ADAMTS18: variants seen among roughly 807,000 people sequenced by gnomAD.
ADAMTS18 encodes the protein ADAM metallopeptidase with thrombospondin type 1 motif 18.
A neutral mutation model predicts 165.9 loss-of-function variants in ADAMTS18; 157 were observed. The observed-to-expected ratio is 0.95, with a 90% CI of 0.83 to 1.08. ADAMTS18 has a LOEUF of 1.08. ADAMTS18 is among the 50% of genes least tolerant of loss of function. The probability of loss-of-function intolerance (pLI) is 0.00; values close to 1 mark genes in which losing one functional copy is unlikely to be tolerated. For missense variants in ADAMTS18, 2,040 were observed against 1,534.0 expected, an observed-to-expected ratio of 1.33 and a Z score of -5.51; for synonymous variants, 782 against 578.2, an observed-to-expected ratio of 1.35 and a Z score of -5.06.
intron 3 of ADAMTS18, among the ~76,000 whole-genome samples, chr16:77,411,777 C>G (rs35087046): frequency 1.4e-5 from 2 of 145,736 alleles, no homozygotes; most frequent in Non-Finnish European, 3.0e-5. Context: ...ACCTCTGCCT[C>G]TCAGGCTCAA....
chr16:77,416,304 G>C (rs1459815855), intron 3 of ADAMTS18, among the ~76,000 whole-genome samples: 4 of 152,194 alleles, frequency 2.6e-5, no homozygotes, highest in Non-Finnish European at 5.9e-5. Flanking sequence ...GGAAGAGATA[G>C]GAAGTTAGAT....
In ADAMTS18 at chr16:77,356,061, C is replaced by T; in HGVS notation, c.1339G>A (p.Asp447Asn). The T allele has an allele frequency of 3.1e-6, 5 of 1,613,932 alleles. No homozygotes were observed. The highest frequency in any genetic ancestry group is 4.5e-5 in the East Asian group (2 of 44,856). The change falls in exon 9 of 23, where the codon GAT becomes AAT. Residue 447 changes from aspartate (D) to asparagine (N), a missense_variant. Transcript: ENST00000282849. ...ESGHNFGMIH[D>N]GEGNPCRKAE... ...TTTCTGCAGGGATTCCCTTCTCCAT[C>T]GTGAATCATACCAAAGCTGAAACAG...
chr16:77,338,359 C>T (rs913156895), intron 11 of ADAMTS18, among the ~76,000 whole-genome samples: 80 of 151,988 alleles, frequency 5.3e-4, no homozygotes, highest in African/African-American at 1.8e-3. Context: ...CCTCAGCTTC[C>T]GGAGTAGCTG....
intron 18 of ADAMTS18, 71 bp from the exon 19 acceptor site, chr16:77,295,198 A>G: frequency 1.3e-6 from 2 of 1,523,694 alleles, no homozygotes; most frequent in Non-Finnish European, 1.8e-6. Context: ...AGTTACTGTG[A>G]AAGGTAAACC....
intron 11 of ADAMTS18, among the ~76,000 whole-genome samples, chr16:77,337,452 G>C (rs190907690): frequency 6.6e-6 from 1 of 152,278 alleles, no homozygotes; most frequent in Admixed American, 6.5e-5. Flanking sequence ...TTCCTCAGTA[G>C]GAGAAATTTA....
chr16:77,364,809 G>C (rs116000717), intron 4 of ADAMTS18, among the ~76,000 whole-genome samples: 1 of 147,474 alleles, frequency 6.8e-6, no homozygotes, highest in Non-Finnish European at 1.5e-5. Flanking sequence ...AAGAAAAGAA[G>C]AGAAAAGAGC....
chr16:77,431,482 G>T lies in ADAMTS18; in HGVS notation c.308C>A (p.Ala103Glu). 1 of 1,614,206 alleles carries T rather than the reference G, an allele frequency of 6.2e-7. No individual in the cohort carries two copies. Among genetic ancestry groups the T allele is most frequent in the South Asian group, 1.1e-5 (1 of 91,088 alleles). Residue 103 changes from alanine to glutamate, a missense_variant, in exon 3 of 23, where the codon GCA becomes GAA. Transcript: ENST00000282849. The part of the protein sequence containing the change: ...ARSSLHYRFS[A>E]FGQELHLELK... ...TTCTAAGTGCAGTTCCTGTCCAAAT[G>T]CTGAAAATCGGTAGTGCAGGGAGCT...
Position 77,282,617 on chromosome 16 carries a change from GAAGTTGAGGA to G in ADAMTS18, c.*1329_*1338del, listed in dbSNP as rs1422164887. The G allele has an allele frequency of 1.3e-5, 2 of 152,576 alleles. No homozygotes were observed. Among genetic ancestry groups the G allele is most frequent in the Non-Finnish European group, 2.9e-5 (2 of 68,026 alleles). The allele number at this position is 152,576 out of a possible 1,614,324, so 9.5% of individuals were successfully genotyped here. ...GTAAAATTGGGTTACATTCATCAAA[GAAGTTGAGGA>G]ATAAAGTAGAATTTATGTAAATATG... is the stretch of plus-strand genomic sequence containing the variant. On this transcript the variant is annotated 3_prime_UTR_variant, in exon 23 of 23. Transcript: ENST00000282849.
At chr16:77,400,036 G>C (rs550966966) in intron 3 of ADAMTS18, among the ~76,000 whole-genome samples, 2 of 152,222 alleles carry the variant, frequency 1.3e-5, no homozygotes, top group South Asian at 2.1e-4. Flanking sequence ...GGTGGCACTG[G>C]TTAATCAACG....
At chr16:77,393,595 T>C (rs2057218738) in intron 3 of ADAMTS18, among the ~76,000 whole-genome samples, 1 of 152,176 alleles carries the variant, frequency 6.6e-6, no homozygotes, top group Non-Finnish European at 1.5e-5. Flanking sequence ...GAGAGCTGCC[T>C]TGCTTCTTCC....
intron 3 of ADAMTS18, among the ~76,000 whole-genome samples, chr16:77,399,649 T>A (rs1325563265): frequency 1.3e-5 from 2 of 152,174 alleles, no homozygotes; most frequent in African/African-American, 2.4e-5. Context: ...ATACACTTCA[T>A]AGAGTTGTCT....
chr16:77,342,801 A>G (rs745316024), intron 10 of ADAMTS18, among the ~76,000 whole-genome samples: 10 of 152,184 alleles, frequency 6.6e-5, no homozygotes, highest in Non-Finnish European at 1.3e-4. Context: ...GGTCATCATC[A>G]ATTGAAATGG....
chr16:77,434,425 T>C lies in ADAMTS18; in HGVS notation c.171A>G (p.Leu57=), dbSNP rs1414310305. The change falls in exon 2 of 23, where the codon TTA becomes TTG. Residue 57 remains leucine (L), a synonymous_variant. Coordinates refer to ENST00000282849, the MANE Select transcript of ADAMTS18 (RefSeq NM_199355.4). ...ASDSSSGASG[L]NDDYVFVTPV... is the part of the protein sequence containing the mutation. ...TGGGGGGCAAATACGAACCATCATTTAATCCGCTGGCGCCGCTGCTGCTGT... is the reference window on the plus strand; with the variant it reads ...TGGGGGGCAAATACGAACCATCATTCAATCCGCTGGCGCCGCTGCTGCTGT... The C allele has an allele frequency of 6.4e-7, 1 of 1,570,774 alleles. No individual in the cohort carries two copies. The highest frequency in any genetic ancestry group is 1.2e-5 in the South Asian group (1 of 86,784).
At chr16:77,411,217 C>T (rs1475085780) in intron 3 of ADAMTS18, among the ~76,000 whole-genome samples, 1 of 152,178 alleles carries the variant, frequency 6.6e-6, no homozygotes, top group East Asian at 1.9e-4. Context: ...CTGGGGTGCT[C>T]TTCCTGATCA....
At chr16:77,423,010 G>A (rs994415613) in intron 3 of ADAMTS18, among the ~76,000 whole-genome samples, 3 of 152,184 alleles carry the variant, frequency 2.0e-5, no homozygotes, top group Non-Finnish European at 4.4e-5. Context: ...CATAGGTGAA[G>A]CTTTTCTTTC....
chr16:77,310,164 T>C (rs1273626339), intron 16 of ADAMTS18, among the ~76,000 whole-genome samples: 7 of 152,206 alleles, frequency 4.6e-5, no homozygotes, highest in Non-Finnish European at 1.0e-4. Flanking sequence ...CTTTTATGTT[T>C]TGCTTCCATG....
At chr16:77,344,994 C>A (rs2056454987) in intron 10 of ADAMTS18, among the ~76,000 whole-genome samples, 1 of 151,980 alleles carries the variant, frequency 6.6e-6, no homozygotes, top group Non-Finnish European at 1.5e-5. Flanking sequence ...ATTCCCTGGA[C>A]TTAAGTCATA....
intron 3 of ADAMTS18, among the ~76,000 whole-genome samples, chr16:77,383,992 T>G (rs1390227503): frequency 6.6e-6 from 1 of 152,124 alleles, no homozygotes; most frequent in Admixed American, 6.5e-5. Context: ...TATCATGACA[T>G]GAGAGTGCCA....
Position 77,434,875 on chromosome 16 carries a change from G to C in ADAMTS18, c.-180C>G, listed in dbSNP as rs1449370660. On this transcript the variant is annotated 5_prime_UTR_variant, in exon 1 of 23. Coordinates refer to ENST00000282849, the MANE Select transcript of ADAMTS18 (RefSeq NM_199355.4). The stretch of plus-strand genomic sequence containing the variant: ...GACCTCCCCTCCTCCGGCCGCCTGC[G>C]CGCCCTCCCTTCTCCCGGCGCGGGC... 1.1e-5 allele frequency: 5 copies of C among 457,556 alleles called. No homozygotes were observed. The highest frequency in any genetic ancestry group is 6.1e-5 in the South Asian group (1 of 16,486). The allele number at this position is 457,556 out of a possible 1,614,324, so 28.3% of individuals were successfully genotyped here. A position where few individuals can be genotyped will look rare whatever the true frequency, so the allele number is the denominator to read the frequency against.
Sources: gnomAD v4.1 joint callset for allele counts (sites outside exome capture counted in the v4.1 genomes callset) on GRCh38, gnomAD v4.1.1 for gene constraint, MANE v1.5 for transcripts, NCBI Gene and HGNC (gene_info 2026-07-23, HGNC 2026-07-21) for gene names.